Variants in CTNND2 observed in about 807,000 individuals in gnomAD.
CTNND2 encodes the protein catenin delta 2.
In CTNND2, 22 loss-of-function variants were observed where a neutral mutation model predicts 144.4. That is an observed-to-expected ratio of 0.15 (90% confidence interval 0.11 to 0.22). The LOEUF is 0.22. Among genes scored for constraint, CTNND2 ranks in the 10% least tolerant of loss-of-function variants. The pLI is 1.00. For missense variants in CTNND2, 1,353 were observed against 1,618.8 expected (o/e 0.84, Z 2.82); for synonymous variants, 751 against 695.6 (o/e 1.08, Z -1.25).
intron 2 of CTNND2, among the ~76,000 whole-genome samples, chr5:11,723,298 G>T (rs1180215819): frequency 6.6e-6 from 1 of 152,000 alleles, no homozygotes; most frequent in African/African-American, 2.4e-5. Context: ...GGATATAGTT[G>T]AGTAAATAAG....
At chr5:11,745,950 CTATATTT>C (rs955978798) in intron 1 of CTNND2, among the ~76,000 whole-genome samples, 3 of 152,180 alleles carry the variant, frequency 2.0e-5, no homozygotes, top group Admixed American at 2.0e-4. Flanking sequence ...ATGTGATGCA[CTATATTT>C]TATATTTTAT....
chr5:11,454,743 G>A (rs147945384), intron 3 of CTNND2, among the ~76,000 whole-genome samples: 25 of 152,032 alleles, frequency 1.6e-4, no homozygotes, highest in African/African-American at 5.5e-4. Flanking sequence ...TGGGACTACA[G>A]GAACGCACCA....
chr5:11,725,546 A>G (rs537628341), intron 2 of CTNND2, among the ~76,000 whole-genome samples: 1 of 152,328 alleles, frequency 6.6e-6, no homozygotes. Context: ...GAAAAATATC[A>G]GACAACACAT....
intron 1 of CTNND2, among the ~76,000 whole-genome samples, chr5:11,784,529 T>C (rs1439633499): frequency 6.6e-6 from 1 of 152,204 alleles, no homozygotes; most frequent in Non-Finnish European, 1.5e-5. Context: ...ATCCTTCCAT[T>C]GATTAGACTA....
intron 10 of CTNND2, among the ~76,000 whole-genome samples, chr5:11,225,698 C>G (rs1166680233): frequency 6.6e-6 from 1 of 152,150 alleles, no homozygotes; most frequent in East Asian, 1.9e-4. Context: ...CCTGTCTGAT[C>G]TCACCTCCTA....
chr5:11,428,975 C>T (rs895928045), intron 3 of CTNND2, among the ~76,000 whole-genome samples: 2 of 148,452 alleles, frequency 1.3e-5, no homozygotes, highest in African/African-American at 4.9e-5. Context: ...ACAATGAAAC[C>T]TTAACTTATA....
chr5:11,676,757 A>C (rs188202458), intron 2 of CTNND2, among the ~76,000 whole-genome samples: 3 of 152,116 alleles, frequency 2.0e-5, no homozygotes, highest in African/African-American at 7.2e-5. Flanking sequence ...TTTGGTGCAG[A>C]TAAGTTGTAT....
intron 9 of CTNND2, among the ~76,000 whole-genome samples, chr5:11,310,749 G>A (rs1750709011): frequency 1.3e-5 from 2 of 151,174 alleles, no homozygotes; most frequent in South Asian, 2.1e-4. Flanking sequence ...CACTCCCCAA[G>A]CACTCTCACC....
intron 9 of CTNND2, among the ~76,000 whole-genome samples, chr5:11,289,112 T>A (rs1481715588): frequency 6.6e-6 from 1 of 152,194 alleles, no homozygotes; most frequent in Admixed American, 6.5e-5. Context: ...CCCAGGCCAC[T>A]ATCTGCACAC....
chr5:11,744,687 G>GTT (rs1217423070), intron 1 of CTNND2, among the ~76,000 whole-genome samples: 1 of 141,782 alleles, frequency 7.1e-6, no homozygotes, highest in Non-Finnish European at 1.5e-5. Flanking sequence ...GTGTGTGTTT[G>GTT]TGTGTGTGCG....
intron 9 of CTNND2, among the ~76,000 whole-genome samples, chr5:11,298,395 T>G (rs943853720): frequency 6.6e-6 from 1 of 152,182 alleles, no homozygotes; most frequent in African/African-American, 2.4e-5. Flanking sequence ...GGTCTTGAAC[T>G]CCTGGCCTCA....
chr5:11,367,768 T>C (rs910225649), intron 7 of CTNND2, among the ~76,000 whole-genome samples: 4 of 152,102 alleles, frequency 2.6e-5, no homozygotes, highest in Non-Finnish European at 4.4e-5. Context: ...CCCTGCAGGA[T>C]GGCAAAGTGC....
At chr5:11,899,005 G>A (rs1056358874) in intron 1 of CTNND2, among the ~76,000 whole-genome samples, 1 of 152,124 alleles carries the variant, frequency 6.6e-6, no homozygotes, top group Non-Finnish European at 1.5e-5. Flanking sequence ...GAAGAGCTGG[G>A]CACTTTTTTG....
At chr5:11,709,153 T>C (rs1001593410) in intron 2 of CTNND2, among the ~76,000 whole-genome samples, 3 of 152,204 alleles carry the variant, frequency 2.0e-5, no homozygotes, top group African/African-American at 7.2e-5. Context: ...GTGTCAGAGC[T>C]ATGCCTGTGA....
At chr5:11,652,259 C>T (rs765464661) in intron 2 of CTNND2, among the ~76,000 whole-genome samples, 4 of 152,184 alleles carry the variant, frequency 2.6e-5, no homozygotes, top group Non-Finnish European at 5.9e-5. Context: ...TGCTTTCTTC[C>T]TCCTCCTACG....
chr5:11,291,627 C>G (rs1494695), intron 9 of CTNND2, among the ~76,000 whole-genome samples: 1 of 152,028 alleles, frequency 6.6e-6, no homozygotes, highest in African/African-American at 2.4e-5. Context: ...TCCTTTCTCT[C>G]TGGTACCGCC....
rs72732922 is a variant in CTNND2, at chr5:11,415,799, T to C, written c.288-3730A>G. Among the ~76,000 whole-genome samples, 1,135 of 152,046 alleles carry C rather than the reference T, an allele frequency of 7.5e-3. 10 individuals are homozygous for C. The highest frequency in any genetic ancestry group is 0.016 in the Admixed American group (241 of 15,266). ...TCTGCTTAGCTCCCTTGCACATAGA[T>C]GGGGTCACAAAAGCGTATGAGAGGA... is the stretch of plus-strand genomic sequence containing the variant. On this transcript the variant is annotated intron_variant, in intron 3 of 21. Coordinates refer to ENST00000304623, the MANE Select transcript of CTNND2 (RefSeq NM_001332.4).
At chr5:11,641,640 A>G (rs190149007) in intron 2 of CTNND2, among the ~76,000 whole-genome samples, 6 of 143,046 alleles carry the variant, frequency 4.2e-5, no homozygotes, top group Admixed American at 6.8e-5. Flanking sequence ...ACGTGTGTGT[A>G]TATACATATA....
At chr5:11,456,070 C>T (rs1273556877) in intron 3 of CTNND2, among the ~76,000 whole-genome samples, 1 of 152,152 alleles carries the variant, frequency 6.6e-6, no homozygotes, top group Non-Finnish European at 1.5e-5. Context: ...TTAATATGTG[C>T]ACTGCAGAGC....
Sources: allele counts gnomAD v4.1 joint callset (sites outside exome capture counted in the v4.1 genomes callset), GRCh38; gene constraint gnomAD v4.1.1; transcripts MANE v1.5; gene names NCBI Gene and HGNC (gene_info 2026-07-23, HGNC 2026-07-21).